The following LRMDA variants were observed in gnomAD, a reference collection of about 807,000 sequenced individuals.
The protein encoded by LRMDA is leucine rich melanocyte differentiation associated.
A neutral mutation model predicts 29.8 loss-of-function variants in LRMDA; 18 were observed. That is an observed-to-expected ratio of 0.60 (90% CI 0.42 to 0.90). LRMDA has a LOEUF of 0.90. Among genes scored for constraint, LRMDA ranks in the 40% least tolerant of loss-of-function variants. The pLI is 0.00. For missense variants in LRMDA, 273 were observed against 273.9 expected (o/e 1.00, Z 0.02); for synonymous variants, 125 against 109.4 (o/e 1.14, Z -0.89).
intron 6 of LRMDA, among the ~76,000 whole-genome samples, chr10:76,462,641 G>C (rs900240752): frequency 6.6e-6 from 1 of 152,164 alleles, no homozygotes. Flanking sequence ...CTTTGCCTGT[G>C]CTGAGTGGTG....
intron 2 of LRMDA, among the ~76,000 whole-genome samples, chr10:75,801,304 C>T (rs772872444): frequency 1.3e-5 from 2 of 152,198 alleles, no homozygotes; most frequent in African/African-American, 2.4e-5. Flanking sequence ...AATCTCCAAC[C>T]GCTTTGGCAT....
intron 2 of LRMDA, among the ~76,000 whole-genome samples, chr10:75,489,736 G>A (rs1844960754): frequency 6.6e-6 from 1 of 152,156 alleles, no homozygotes; most frequent in South Asian, 2.1e-4. Flanking sequence ...TGTGCTTGAG[G>A]GGGCTTGAGT....
At chr10:76,213,060 A>G (rs1851664752) in intron 5 of LRMDA, among the ~76,000 whole-genome samples, 1 of 152,218 alleles carries the variant, frequency 6.6e-6, no homozygotes, top group South Asian at 2.1e-4. Context: ...TCACCCCAAA[A>G]ACGCATCCCA....
intron 5 of LRMDA, among the ~76,000 whole-genome samples, chr10:76,295,475 A>G (rs558566327): frequency 6.6e-6 from 1 of 152,344 alleles, no homozygotes; most frequent in African/African-American, 2.4e-5. Flanking sequence ...ATTCTCAGTT[A>G]GAAATATCAC....
intron 2 of LRMDA, among the ~76,000 whole-genome samples, chr10:75,759,676 T>C (rs1843072327): frequency 6.6e-6 from 1 of 152,238 alleles, no homozygotes; most frequent in Non-Finnish European, 1.5e-5. Context: ...TGATATTTTA[T>C]TTATGAGCTC....
chr10:75,700,467 G>T lies in LRMDA; in HGVS notation c.131+261973G>T, dbSNP rs558090369. ...TTTTTTTTTTTTGAGATGGAGTCTC[G>T]CTCTGTCGCCTAGGCTGGAGTGCAG... is the stretch of plus-strand genomic sequence containing the variant. On this transcript the variant is annotated intron_variant, in intron 2 of 6. Coordinates refer to ENST00000611255, the MANE Select transcript of LRMDA (RefSeq NM_001305581.2). Among the ~76,000 whole-genome samples the T allele has an allele frequency of 1.4e-4, 20 of 140,378 alleles. No individual in the cohort carries two copies. In the South Asian group the frequency reaches 4.0e-3, roughly 28 times the overall value. The allele number at this position is 140,378 out of a possible 152,430, so 92.1% of individuals were successfully genotyped here. A position where few individuals can be genotyped will look rare whatever the true frequency, so the allele number is the denominator to read the frequency against.
chr10:76,096,641 A>G (rs184181318), intron 5 of LRMDA, among the ~76,000 whole-genome samples: 305 of 152,236 alleles, frequency 2.0e-3, no homozygotes, highest in Middle Eastern at 6.8e-3. Flanking sequence ...GTTAATTTCT[A>G]TAAAAAATTT....
chr10:75,783,295 G>C (rs1243510352), intron 2 of LRMDA, among the ~76,000 whole-genome samples: 1 of 152,108 alleles, frequency 6.6e-6, no homozygotes, highest in Non-Finnish European at 1.5e-5. Context: ...GAGGCTTTTA[G>C]GCATGCATTG....
intron 5 of LRMDA, among the ~76,000 whole-genome samples, chr10:76,267,498 C>T (rs903679327): frequency 7.9e-5 from 12 of 152,154 alleles, no homozygotes; most frequent in Admixed American, 6.6e-5. Context: ...CACTTTCCAG[C>T]CCTGGTAACC....
intron 6 of LRMDA, among the ~76,000 whole-genome samples, chr10:76,370,353 C>T (rs1299065008): frequency 6.6e-6 from 1 of 152,122 alleles, no homozygotes; most frequent in African/African-American, 2.4e-5. Context: ...TTTTATCTTG[C>T]TTTTGACTCT....
intron 5 of LRMDA, among the ~76,000 whole-genome samples, chr10:76,071,787 G>A (rs1848880339): frequency 6.6e-6 from 1 of 152,220 alleles, no homozygotes; most frequent in South Asian, 2.1e-4. Flanking sequence ...TAAACTGCCA[G>A]ATTTACAAAG....
chr10:75,624,162 A>G (rs530674817), intron 2 of LRMDA, among the ~76,000 whole-genome samples: 4 of 152,280 alleles, frequency 2.6e-5, no homozygotes, highest in African/African-American at 9.6e-5. Flanking sequence ...AAATAATACA[A>G]TAACATATTA....
At position 75,855,937 on chromosome 10, in the gene LRMDA, T is replaced by G. The variant is rs1360186331; in HGVS notation, c.132-180071T>G. Among the ~76,000 whole-genome samples, 3 of 152,344 alleles carry G rather than the reference T, an allele frequency of 2.0e-5. No individual in the cohort carries two copies. The East Asian group carries it at 5.8e-4, about 29-fold the overall frequency. Reference sequence around the variant, plus strand: ...CCATTGGCCTATATCTCTGTTTTGGTGCCAGTACCATGCTGTTTTGGTTAC... The same window carrying G: ...CCATTGGCCTATATCTCTGTTTTGGGGCCAGTACCATGCTGTTTTGGTTAC... On this transcript the variant is annotated intron_variant, in intron 2 of 6. Coordinates refer to ENST00000611255, the MANE Select transcript of LRMDA (RefSeq NM_001305581.2).
chr10:76,523,003 C>G (rs1843136853), intron 6 of LRMDA, among the ~76,000 whole-genome samples: 1 of 152,114 alleles, frequency 6.6e-6, no homozygotes, highest in Non-Finnish European at 1.5e-5. Flanking sequence ...CACTGCAGAC[C>G]AGAGAAAAAG....
chr10:75,689,444 C>T (rs1842118949), intron 2 of LRMDA, among the ~76,000 whole-genome samples: 1 of 152,206 alleles, frequency 6.6e-6, no homozygotes. Context: ...TTAGTAGGGC[C>T]TGCTATTGAA....
intron 5 of LRMDA, among the ~76,000 whole-genome samples, chr10:76,105,825 C>T (rs1025482088): frequency 1.3e-5 from 2 of 152,214 alleles, no homozygotes; most frequent in Admixed American, 6.5e-5. Context: ...TGGCTCACTG[C>T]AACCTCTGCC....
chr10:75,719,888 T>C (rs548907903), intron 2 of LRMDA, among the ~76,000 whole-genome samples: 46 of 152,306 alleles, frequency 3.0e-4, no homozygotes, highest in African/African-American at 1.1e-3. Context: ...TCTAAGAGTT[T>C]TGCAGGGGAT....
Position 75,629,949 on chromosome 10 carries a change from A to G in LRMDA, c.131+191455A>G, listed in dbSNP as rs565257698. 3.6e-3 allele frequency among the ~76,000 whole-genome samples: 543 copies of G among 152,366 alleles called. 6 individuals carry two copies. Among genetic ancestry groups the G allele is most frequent in the South Asian group, 0.023 (111 of 4,818 alleles). On this transcript the variant is annotated intron_variant, in intron 2 of 6. Coordinates refer to ENST00000611255, the MANE Select transcript of LRMDA (RefSeq NM_001305581.2). ...TCAGAATTTAGAAAATTTATTGCAGATCAGTTTTAAAAAGAACAGCCATTC... is the reference window on the plus strand; with the variant it reads ...TCAGAATTTAGAAAATTTATTGCAGGTCAGTTTTAAAAAGAACAGCCATTC...
intron 2 of LRMDA, among the ~76,000 whole-genome samples, chr10:75,747,738 G>T (rs897885755): frequency 6.6e-6 from 1 of 152,118 alleles, no homozygotes; most frequent in Non-Finnish European, 1.5e-5. Flanking sequence ...TTCATTTTAC[G>T]TGAGAAGAAA....
Sources: allele counts gnomAD v4.1 joint callset (sites outside exome capture counted in the v4.1 genomes callset), GRCh38; gene constraint gnomAD v4.1.1; transcripts MANE v1.5; gene names NCBI Gene and HGNC (gene_info 2026-07-23, HGNC 2026-07-21).